ICA1: variants seen among roughly 807,000 people sequenced by gnomAD.
The protein encoded by ICA1 is 69 kDa islet cell autoantigen.
A neutral mutation model predicts 71.0 loss-of-function variants in ICA1; 40 were observed. The ratio of observed to expected loss-of-function variants is 0.56; its 90% CI spans 0.44 to 0.73. The LOEUF (loss-of-function observed/expected upper bound fraction) is 0.73. ICA1 is among the 30% of genes least tolerant of loss of function. The pLI is 0.00. For synonymous variants in ICA1, 207 were observed against 209.5 expected (o/e 0.99, Z 0.10); for missense variants, 578 against 576.5 (o/e 1.00, Z -0.03).
intron 6 of ICA1, among the ~76,000 whole-genome samples, chr7:8,207,924 A>G (rs756007219): frequency 6.6e-6 from 1 of 152,212 alleles, no homozygotes; most frequent in Non-Finnish European, 1.5e-5. Flanking sequence ...TCTGAGTTTC[A>G]CTGAGAGACA....
In ICA1 at chr7:8,144,245, T is replaced by C. The variant is rs533926031; in HGVS notation, c.805-273A>G. On this transcript the variant is annotated intron_variant, in intron 8 of 13. Transcript: ENST00000402384. This position sits in a 1 kb window ranked among gnomAD's most constrained non-coding sequence, Gnocchi z 4.5. ...TGCCACAAGATTTATGTTTTCCATT[T>C]TGTGATAAGTTATTCAAACGTGGCC... Among the ~76,000 whole-genome samples the C allele has an allele frequency of 6.6e-6, 1 of 152,324 alleles. No individual in the cohort carries two copies.
chr7:8,218,239 A>C, intron 6 of ICA1, 66 bp downstream of exon 6: 1 of 1,378,202 alleles, frequency 7.3e-7, no homozygotes, highest in Non-Finnish European at 1.0e-6. Context: ...CACCAGAGGG[A>C]TTCAAATCAC....
intron 6 of ICA1, among the ~76,000 whole-genome samples, chr7:8,190,665 A>G (rs1785295367): frequency 6.6e-6 from 1 of 152,192 alleles, no homozygotes. Context: ...TGGCTCAATC[A>G]CATGCAGAGG....
chr7:8,178,536 T>G (rs905226359), intron 6 of ICA1, among the ~76,000 whole-genome samples: 1 of 152,058 alleles, frequency 6.6e-6, no homozygotes, highest in African/African-American at 2.4e-5. Flanking sequence ...CTTCTATTTT[T>G]ATAGTCTGAT....
chr7:8,121,887 A>G (rs1356036163), intron 13 of ICA1, among the ~76,000 whole-genome samples: 3 of 152,234 alleles, frequency 2.0e-5, no homozygotes, highest in South Asian at 2.1e-4. Flanking sequence ...ACATACGTCT[A>G]CTAGTCCCAC....
At chr7:8,207,942 T>G (rs1792198644) in intron 6 of ICA1, among the ~76,000 whole-genome samples, 1 of 152,184 alleles carries the variant, frequency 6.6e-6, no homozygotes, top group Non-Finnish European at 1.5e-5. Context: ...ACAGGGAACC[T>G]ATGAAATCAT....
chr7:8,223,033 G>T lies in ICA1; in HGVS notation c.257-1635C>A, dbSNP rs28580300. On this transcript the variant is annotated intron_variant, in intron 4 of 13. Transcript: ENST00000402384. The surrounding 1 kb of genome is among the most constrained non-coding windows in gnomAD (Gnocchi z 4.1). Reference sequence around the variant, plus strand: ...TATCCTCATACACTTTATTTCAGTTGAAATACTTATTGCCTTTTAATACTC... The same window carrying T: ...TATCCTCATACACTTTATTTCAGTTTAAATACTTATTGCCTTTTAATACTC... Among the ~76,000 whole-genome samples the T allele has an allele frequency of 0.1, 15,178 of 152,220 alleles. 1,920 individuals carry two copies. Among genetic ancestry groups the T allele is most frequent in the African/African-American group, 0.3 (12,476 of 41,504 alleles).
chr7:8,198,497 G>C (rs1788450632), intron 6 of ICA1, among the ~76,000 whole-genome samples: 1 of 152,202 alleles, frequency 6.6e-6, no homozygotes. Context: ...ACTTTGCAGA[G>C]ACGTTGATGT....
intron 1 of ICA1, among the ~76,000 whole-genome samples, chr7:8,261,800 CG>C (rs1291272454): frequency 6.6e-6 from 1 of 152,126 alleles, no homozygotes; most frequent in Non-Finnish European, 1.5e-5. Context: ...GCGCTGGGGC[CG>C]GAGCGCGGAA....
At chr7:8,180,523 T>C (rs1053460771) in intron 6 of ICA1, among the ~76,000 whole-genome samples, 9 of 152,162 alleles carry the variant, frequency 5.9e-5, no homozygotes, top group African/African-American at 2.2e-4. Context: ...TTCATTCTCC[T>C]TGAGTATATG....
At chr7:8,236,043 T>C in intron 1 of ICA1, 38 bp from the exon 2 acceptor site, 1 of 1,063,304 alleles carries the variant, frequency 9.4e-7, no homozygotes, top group Non-Finnish European at 1.4e-6. Flanking sequence ...TTACACACCA[T>C]ATTATAGTTA....
At chr7:8,124,198 G>A (rs1788171441) in intron 13 of ICA1, among the ~76,000 whole-genome samples, 1 of 139,268 alleles carries the variant, frequency 7.2e-6, no homozygotes, top group Non-Finnish European at 1.5e-5. Flanking sequence ...TCGGCTCACT[G>A]CAAGCTCCGC....
chr7:8,261,263 A>G (rs1321919154), intron 1 of ICA1, among the ~76,000 whole-genome samples: 3 of 152,218 alleles, frequency 2.0e-5, no homozygotes, highest in Non-Finnish European at 4.4e-5. Context: ...TTAAGACCCC[A>G]AAGAGAAGCT....
rs376882183 is a variant in ICA1, at chr7:8,148,125, G to T, written c.805-4153C>A. On this transcript the variant is annotated intron_variant, in intron 8 of 13. Coordinates refer to ENST00000402384, the MANE Select transcript of ICA1 (RefSeq NM_001136020.3). ...CTCCCACCATCCACCACCCTGAACTGGAATAAGCAGTTTGGAAAATGAACA... is the reference window on the plus strand; with the variant it reads ...CTCCCACCATCCACCACCCTGAACTTGAATAAGCAGTTTGGAAAATGAACA... Among the ~76,000 whole-genome samples the T allele has an allele frequency of 7.2e-5, 11 of 152,154 alleles. No homozygotes were observed. The East Asian group carries it at 1.7e-3, about 24-fold the overall frequency.
At chr7:8,186,895 C>T (rs1784085708) in intron 6 of ICA1, among the ~76,000 whole-genome samples, 1 of 152,142 alleles carries the variant, frequency 6.6e-6, no homozygotes, top group East Asian at 1.9e-4. Flanking sequence ...TATTCAATAT[C>T]TCAGTATAGC....
chr7:8,147,749 T>C (rs913460858), intron 8 of ICA1, among the ~76,000 whole-genome samples: 1 of 150,380 alleles, frequency 6.6e-6, no homozygotes, highest in African/African-American at 2.5e-5. Flanking sequence ...TGAGCTATAA[T>C]TCAAATACCA....
chr7:8,179,058 G>T (rs1410923558), intron 6 of ICA1, among the ~76,000 whole-genome samples: 1 of 152,070 alleles, frequency 6.6e-6, no homozygotes, highest in Non-Finnish European at 1.5e-5. Context: ...TTCCATACAG[G>T]CTCCTGTATG....
intron 6 of ICA1, among the ~76,000 whole-genome samples, chr7:8,194,648 T>A (rs543230589): frequency 6.6e-6 from 1 of 152,294 alleles, no homozygotes; most frequent in East Asian, 1.9e-4. Flanking sequence ...CGGGCAAAGG[T>A]TTATGTACAA....
chr7:8,166,119 ATAC>A (rs758180934), intron 6 of ICA1, among the ~76,000 whole-genome samples: 1 of 152,212 alleles, frequency 6.6e-6, no homozygotes, highest in Non-Finnish European at 1.5e-5. Context: ...ACTTCAAACT[ATAC>A]TACAAGGCTA....
Sources: allele counts gnomAD v4.1 joint callset (sites outside exome capture counted in the v4.1 genomes callset), GRCh38; gene constraint gnomAD v4.1.1; non-coding constraint Gnocchi (gnomAD v3.1); transcripts MANE v1.5; gene names NCBI Gene and HGNC (gene_info 2026-07-23, HGNC 2026-07-21).